Variants in NTN1 observed in about 807,000 individuals in gnomAD.
NTN1 encodes the protein netrin 1, also known as netrin-1.
A neutral mutation model predicts 54.2 loss-of-function variants in NTN1; 11 were observed. The ratio of observed to expected loss-of-function variants is 0.20; its 90% CI spans 0.13 to 0.34. The LOEUF (loss-of-function observed/expected upper bound fraction) is 0.34, where lower values mean the gene tolerates loss of function less well. NTN1 is among the 10% of genes least tolerant of loss of function. The pLI is 1.00. For synonymous variants in NTN1, 371 were observed against 382.0 expected, an observed-to-expected ratio of 0.97 and a Z score of 0.33; for missense variants, 740 against 893.1, an observed-to-expected ratio of 0.83 and a Z score of 2.18.
At chr17:9,130,533 C>T (rs556535154) in intron 2 of NTN1, among the ~76,000 whole-genome samples, 1 of 152,256 alleles carries the variant, frequency 6.6e-6, no homozygotes, top group South Asian at 2.1e-4. Flanking sequence ...CCAGCTGCCT[C>T]CTGGGCAGCC....
chr17:9,119,713 G>A (rs190924831), intron 2 of NTN1, among the ~76,000 whole-genome samples: 1 of 152,046 alleles, frequency 6.6e-6, no homozygotes, highest in Non-Finnish European at 1.5e-5. Flanking sequence ...GCCCAGGCTG[G>A]TCTCGAACTC....
At chr17:9,104,488 G>A (rs1270387286) in intron 2 of NTN1, among the ~76,000 whole-genome samples, 3 of 152,126 alleles carry the variant, frequency 2.0e-5, no homozygotes, top group South Asian at 2.1e-4. Flanking sequence ...CCTGTGCTTC[G>A]GGGCCTGGGA....
intron 2 of NTN1, among the ~76,000 whole-genome samples, chr17:9,031,832 C>T (rs1284516353): frequency 6.6e-6 from 1 of 152,054 alleles, no homozygotes; most frequent in African/African-American, 2.4e-5. Flanking sequence ...CATGGTGGCC[C>T]ACACCTGTAA....
chr17:9,105,514 G>T (rs865959463), intron 2 of NTN1, among the ~76,000 whole-genome samples: 9 of 152,194 alleles, frequency 5.9e-5, no homozygotes, highest in African/African-American at 1.7e-4. Context: ...TTATAAATCT[G>T]TCAAAACGTG....
At chr17:9,029,484 A>G (rs1766581487) in intron 2 of NTN1, among the ~76,000 whole-genome samples, 1 of 152,084 alleles carries the variant, frequency 6.6e-6, no homozygotes, top group South Asian at 2.1e-4. Context: ...TATTATAGCC[A>G]ACTCGGAGGG....
intron 2 of NTN1, among the ~76,000 whole-genome samples, chr17:9,027,786 T>G (rs2091876099): frequency 6.6e-6 from 1 of 152,168 alleles, no homozygotes; most frequent in South Asian, 2.1e-4. Flanking sequence ...GGGGTTTAGA[T>G]ACTTTCCTGG....
chr17:9,206,614 C>T (rs1183316056), intron 5 of NTN1, among the ~76,000 whole-genome samples: 1 of 152,232 alleles, frequency 6.6e-6, no homozygotes, highest in African/African-American at 2.4e-5. Flanking sequence ...ACGGGATGGG[C>T]TTCCAGGCCA....
intron 2 of NTN1, among the ~76,000 whole-genome samples, chr17:9,038,265 C>CACACACATACACACACACACACACA (rs55982115): frequency 6.9e-6 from 1 of 144,076 alleles, no homozygotes; most frequent in Non-Finnish European, 1.5e-5. Flanking sequence ...TTCTCTCTCT[C>CACACACATACACACACACACACACA]CACACACACA....
intron 5 of NTN1, among the ~76,000 whole-genome samples, chr17:9,215,924 T>C (rs930542109): frequency 2.1e-4 from 32 of 152,218 alleles, no homozygotes; most frequent in African/African-American, 7.7e-4. Context: ...GGATCAGTTT[T>C]CTACAGTATC....
Position 9,022,836 on chromosome 17 carries a change from C to T in NTN1, c.463C>T (p.Arg155Trp), listed in dbSNP as rs1335097221. The T allele has an allele frequency of 8.1e-6, 13 of 1,611,036 alleles. No individual in the cohort carries two copies. The African/African-American group carries it at 1.7e-4, about 22-fold the overall frequency. Reference sequence around the variant, plus strand: ...CGTGAGCCTGCAGTTCTGCTCGCCGCGGCCCGAGTCCATGGCCATCTACAA... The same window carrying T: ...CGTGAGCCTGCAGTTCTGCTCGCCGTGGCCCGAGTCCATGGCCATCTACAA... ...TYVSLQFCSP[R>W]PESMAIYKSM... Residue 155 changes from arginine (R) to tryptophan (W), a missense_variant, in exon 2 of 7, where the codon CGG (arginine) becomes TGG (tryptophan). By Grantham distance (101) the Arg-to-Trp change is moderately radical (BLOSUM62 -3). Coordinates refer to ENST00000173229, the MANE Select transcript of NTN1 (RefSeq NM_004822.3).
intron 2 of NTN1, among the ~76,000 whole-genome samples, chr17:9,121,112 G>A (rs2092230415): frequency 6.6e-6 from 1 of 152,240 alleles, no homozygotes; most frequent in East Asian, 1.9e-4. Flanking sequence ...GAAGCGGATG[G>A]CCCTGTCGGG....
At chr17:9,027,695 C>A (rs139592103) in intron 2 of NTN1, among the ~76,000 whole-genome samples, 221 of 152,194 alleles carry the variant, frequency 1.5e-3, no homozygotes, top group Non-Finnish European at 2.5e-3. Flanking sequence ...ACATACTTAA[C>A]ATGAAGTTGT....
chr17:9,130,406 C>A (rs890069832), intron 2 of NTN1, among the ~76,000 whole-genome samples: 5 of 152,136 alleles, frequency 3.3e-5, no homozygotes, highest in Non-Finnish European at 5.9e-5. Context: ...CCCTCCCTTT[C>A]CTGAGTACTG....
chr17:9,228,405 C>G (rs1442537511), intron 6 of NTN1, among the ~76,000 whole-genome samples: 1 of 152,138 alleles, frequency 6.6e-6, no homozygotes, highest in Non-Finnish European at 1.5e-5. Flanking sequence ...TGGTGTTGGC[C>G]TCATCAGTTG....
chr17:9,139,160 G>T (rs947485151), intron 2 of NTN1, among the ~76,000 whole-genome samples: 2 of 152,292 alleles, frequency 1.3e-5, no homozygotes, highest in Non-Finnish European at 2.9e-5. Flanking sequence ...GGATTGGGAA[G>T]GTTGTGGGGG....
At chr17:9,100,360 C>T (rs1447211109) in intron 2 of NTN1, among the ~76,000 whole-genome samples, 1 of 152,118 alleles carries the variant, frequency 6.6e-6, no homozygotes, top group South Asian at 2.1e-4. Flanking sequence ...TGCAGTGGCA[C>T]GATCTCGGCT....
At chr17:9,142,312 A>C (rs982158087) in intron 2 of NTN1, among the ~76,000 whole-genome samples, 1 of 151,914 alleles carries the variant, frequency 6.6e-6, no homozygotes, top group African/African-American at 2.4e-5. Flanking sequence ...AAAAAAGAAA[A>C]AAACCAAACA....
chr17:9,230,060 G>A (rs1459524067), intron 6 of NTN1, among the ~76,000 whole-genome samples: 2 of 57,040 alleles, frequency 3.5e-5, no homozygotes, highest in South Asian at 5.6e-4. Flanking sequence ...AGCAAATGAC[G>A]GACTCTTCCC....
intron 5 of NTN1, chr17:9,183,660 C>T (rs1356589226): frequency 1.9e-5 from 4 of 214,234 alleles, no homozygotes; most frequent in South Asian, 6.4e-5. Context: ...AAGAAGCACT[C>T]GCGTAACGTA....
Sources: allele counts gnomAD v4.1 joint callset (sites outside exome capture counted in the v4.1 genomes callset), GRCh38; gene constraint gnomAD v4.1.1; transcripts MANE v1.5; gene names NCBI Gene and HGNC (gene_info 2026-07-23, HGNC 2026-07-21).